The following CCDC81 variants were observed in gnomAD, a reference collection of about 807,000 sequenced individuals.
The protein encoded by CCDC81 is coiled-coil domain-containing protein 81.
In CCDC81, 79 loss-of-function variants were observed where a neutral mutation model predicts 83.7. That is an observed-to-expected ratio of 0.94 (90% confidence interval 0.79 to 1.14). The LOEUF is 1.14. Among genes scored for constraint, CCDC81 ranks in the 50% most tolerant of loss-of-function variants. The pLI is 0.00. For synonymous variants in CCDC81, 252 were observed against 278.1 expected (o/e 0.91, Z 0.93); for missense variants, 791 against 778.1 (o/e 1.02, Z -0.20).
intron 11 of CCDC81, 62 bp downstream of exon 11, chr11:86,412,621 C>A: frequency 7.1e-7 from 1 of 1,410,122 alleles, no homozygotes; most frequent in Non-Finnish European, 9.6e-7. Context: ...AGTTACTTTT[C>A]ATGTAGGATT....
intron 6 of CCDC81, among the ~76,000 whole-genome samples, 163 bp downstream of exon 6, chr11:86,397,905 A>C (rs1407913892): frequency 1.3e-5 from 2 of 151,846 alleles, no homozygotes; most frequent in Admixed American, 1.3e-4. Context: ...GCTGTAGTGC[A>C]GTGGCATAAT....
chr11:86,391,987 A>T (rs1948336943), intron 3 of CCDC81, among the ~76,000 whole-genome samples: 1 of 152,084 alleles, frequency 6.6e-6, no homozygotes. Flanking sequence ...AAACAACCAG[A>T]TTTCATGATA....
chr11:86,387,494 T>G, intron 2 of CCDC81, 22 bp from the exon 3 acceptor site: 1 of 1,610,548 alleles, frequency 6.2e-7, no homozygotes, highest in African/African-American at 1.3e-5. Flanking sequence ...GAATTCTGTT[T>G]TGTTTTGTTT....
At chr11:86,383,539 A>G (rs1948200463) in intron 1 of CCDC81, among the ~76,000 whole-genome samples, 1 of 152,214 alleles carries the variant, frequency 6.6e-6, no homozygotes, top group South Asian at 2.1e-4. Context: ...AAGCCAAATG[A>G]AGGTTGAACT....
At chr11:86,407,935 T>A (rs755284946) in intron 8 of CCDC81, among the ~76,000 whole-genome samples, 192 bp from the exon 9 acceptor site, 5 of 152,208 alleles carry the variant, frequency 3.3e-5, no homozygotes, top group Admixed American at 6.5e-5. Flanking sequence ...ATACTTCTGA[T>A]GAAGTGAGAG....
Position 86,412,476 on chromosome 11 carries a change from G to A in CCDC81, c.1308G>A (p.Met436Ile). The A allele has an allele frequency of 6.2e-7, 1 of 1,613,926 alleles. No homozygotes were observed. Among genetic ancestry groups the A allele is most frequent in the Non-Finnish European group, 8.5e-7 (1 of 1,179,892 alleles). Residue 436 changes from methionine to isoleucine, a missense_variant, in exon 11 of 15, where the codon ATG becomes ATA. Coordinates refer to ENST00000445632, the MANE Select transcript of CCDC81 (RefSeq NM_001156474.2). ...EEYSRSLLKQ[M>I]DNRQENEIKQ... ...ATTCCCGGAGTCTCCTGAAACAAAT[G>A]GATAACAGACAGGAAAACGAAATAA...
chr11:86,380,608 T>C (rs1948164477), intron 1 of CCDC81, among the ~76,000 whole-genome samples: 1 of 152,190 alleles, frequency 6.6e-6, no homozygotes, highest in Non-Finnish European at 1.5e-5. Context: ...CTCACAATCC[T>C]TGGATATTCT....
At chr11:86,410,064 T>C (rs1276818982) in intron 10 of CCDC81, among the ~76,000 whole-genome samples, 1 of 152,200 alleles carries the variant, frequency 6.6e-6, no homozygotes, top group Non-Finnish European at 1.5e-5. Flanking sequence ...TGGGCATCTA[T>C]GGTGGAATAA....
chr11:86,416,275 T>A (rs557422271), intron 13 of CCDC81, among the ~76,000 whole-genome samples: 86 of 152,332 alleles, frequency 5.6e-4, no homozygotes, highest in Admixed American at 1.7e-3. Flanking sequence ...ACTGATTTTT[T>A]AAAAAAATTT....
chr11:86,395,477 T>C (rs1043857008), intron 5 of CCDC81, 64 bp downstream of exon 5: 36 of 1,242,696 alleles, frequency 2.9e-5, no homozygotes, highest in East Asian at 7.0e-5. Flanking sequence ...GCTGATCTCA[T>C]TGGGCAGTGT....
At chr11:86,392,949 T>C (rs763302003) in intron 4 of CCDC81, among the ~76,000 whole-genome samples, 152 bp downstream of exon 4, 30 of 152,224 alleles carry the variant, frequency 2.0e-4, no homozygotes, top group Non-Finnish European at 3.5e-4. Flanking sequence ...CTTGATTAAC[T>C]CTTTGACAAA....
rs1319474820 is a variant in CCDC81 at position 86,392,745 on chromosome 11, A to T, written c.503A>T (p.Asp168Val). Residue 168 changes from aspartate (D) to valine (V), a missense_variant, in exon 4 of 15, where the codon GAC (aspartate) becomes GTC (valine). By Grantham distance (152) the Asp-to-Val change is radical. Coordinates refer to ENST00000445632, the MANE Select transcript of CCDC81 (RefSeq NM_001156474.2). Reference protein sequence around the residue: ...DSKVKMRFYKDFLCTMDGSGA... With the variant: ...DSKVKMRFYKVFLCTMDGSGA... ...AAAGTGAAGATGAGGTTTTATAAAG[A>T]CTTCCTTTGTACCATGGATGGAAGT... 2.0e-5 allele frequency: 31 copies of T among 1,551,504 alleles called. No individual in the cohort carries two copies. Among genetic ancestry groups the T allele is most frequent in the Middle Eastern group, 3.3e-4 (2 of 6,010 alleles).
At chr11:86,407,082 T>C (rs1192712809) in intron 7 of CCDC81, among the ~76,000 whole-genome samples, 1 of 152,192 alleles carries the variant, frequency 6.6e-6, no homozygotes, top group Non-Finnish European at 1.5e-5. Flanking sequence ...ACTTCCTTGG[T>C]AAGAACTTCC....
intron 1 of CCDC81, among the ~76,000 whole-genome samples, chr11:86,375,976 C>T (rs1390568364): frequency 6.6e-6 from 1 of 152,210 alleles, no homozygotes; most frequent in Non-Finnish European, 1.5e-5. Context: ...CTGCATCACT[C>T]CTATCTTTTC....
chr11:86,422,467 G>C, intron 14 of CCDC81, 107 bp from the exon 15 acceptor site: 1 of 951,796 alleles, frequency 1.1e-6, no homozygotes, highest in Non-Finnish European at 1.6e-6. Flanking sequence ...GGCAGAGAAC[G>C]CAAGGTGTCA....
chr11:86,420,426 G>A (rs1174772067), intron 14 of CCDC81, among the ~76,000 whole-genome samples: 1 of 152,120 alleles, frequency 6.6e-6, no homozygotes, highest in Non-Finnish European at 1.5e-5. Context: ...GCAGGGTCAG[G>A]GGTTGTAAGA....
intron 13 of CCDC81, chr11:86,419,169 A>G (rs1948757663): frequency 6.6e-6 from 1 of 152,228 alleles, no homozygotes; most frequent in South Asian, 2.1e-4. Flanking sequence ...CTACATCAAC[A>G]GTTACATTTT....
Sources: allele counts gnomAD v4.1 joint callset (sites outside exome capture counted in the v4.1 genomes callset), GRCh38; gene constraint gnomAD v4.1.1; transcripts MANE v1.5; gene names NCBI Gene and HGNC (gene_info 2026-07-23, HGNC 2026-07-21).